Variants in ROBO2 observed in about 807,000 individuals in gnomAD.
ROBO2 encodes the protein roundabout guidance receptor 2.
ROBO2 carries 53 observed loss-of-function variants against 160.8 expected under a neutral mutation model. The observed-to-expected ratio is 0.33, with a 90% CI of 0.26 to 0.41. The LOEUF is 0.41. ROBO2 is among the 10% of genes least tolerant of loss of function. The pLI, the probability that ROBO2 is intolerant of heterozygous loss-of-function variation, is 1.00. For missense variants in ROBO2, 1,577 were observed against 1,722.4 expected (o/e 0.92, Z 1.49); for synonymous variants, 664 against 611.7 (o/e 1.09, Z -1.26).
intron 2 of ROBO2, among the ~76,000 whole-genome samples, chr3:76,657,774 GTA>G (rs953554992): frequency 6.9e-6 from 1 of 144,892 alleles, no homozygotes; most frequent in African/African-American, 2.5e-5. Context: ...ATGTTCATAG[GTA>G]TGTGTATATA....
chr3:77,092,407 A>G (rs961259293), intron 1 of ROBO2, among the ~76,000 whole-genome samples: 7 of 151,786 alleles, frequency 4.6e-5, no homozygotes, highest in Admixed American at 2.6e-4. Flanking sequence ...TGCTTCTCCT[A>G]TCTATTCAAT....
At chr3:76,750,265 C>G (rs528230752) in intron 2 of ROBO2, among the ~76,000 whole-genome samples, 52 of 152,168 alleles carry the variant, frequency 3.4e-4, no homozygotes, top group Middle Eastern at 3.4e-3. Flanking sequence ...GCTAAAAACT[C>G]TCAATAAATT....
At chr3:77,084,011 A>C (rs2149956957) in intron 1 of ROBO2, among the ~76,000 whole-genome samples, 1 of 152,258 alleles carries the variant, frequency 6.6e-6, no homozygotes, top group South Asian at 2.1e-4. Flanking sequence ...ATCTTCATTG[A>C]AGGGAAGAGT....
chr3:76,049,250 C>T (rs973024969), intron 2 of ROBO2, among the ~76,000 whole-genome samples: 1 of 151,462 alleles, frequency 6.6e-6, no homozygotes, highest in African/African-American at 2.4e-5. Flanking sequence ...CTGTGCTGCC[C>T]AGGCTGGAGT....
intron 1 of ROBO2, among the ~76,000 whole-genome samples, chr3:77,064,362 C>CTTTTT (rs71104649): frequency 7.2e-6 from 1 of 138,210 alleles, no homozygotes; most frequent in Non-Finnish European, 1.5e-5. Flanking sequence ...TTGGATGTAT[C>CTTTTT]TTTTTTTTTT....
intron 2 of ROBO2, among the ~76,000 whole-genome samples, chr3:76,299,902 A>G (rs1166625028): frequency 6.6e-6 from 1 of 152,172 alleles, no homozygotes; most frequent in African/African-American, 2.4e-5. Context: ...GTTATGAAAT[A>G]AAAGGGAAAG....
intron 2 of ROBO2, among the ~76,000 whole-genome samples, chr3:76,215,976 A>T (rs886523755): frequency 6.6e-6 from 1 of 152,228 alleles, no homozygotes; most frequent in Non-Finnish European, 1.5e-5. Context: ...CAGAAACTCT[A>T]CAAGCCAGAA....
chr3:76,557,129 C>T (rs749064082), intron 2 of ROBO2, among the ~76,000 whole-genome samples: 2 of 152,006 alleles, frequency 1.3e-5, no homozygotes, highest in African/African-American at 4.8e-5. Context: ...ACATTTGCTT[C>T]CTCTTAAATT....
intron 2 of ROBO2, among the ~76,000 whole-genome samples, chr3:76,164,995 A>G (rs948503806): frequency 7.2e-5 from 11 of 152,194 alleles, no homozygotes; most frequent in African/African-American, 2.4e-4. Flanking sequence ...TCTCCTTAGA[A>G]ACAGTCAAAG....
chr3:77,243,406 G>A (rs903472438), intron 2 of ROBO2, among the ~76,000 whole-genome samples: 5 of 152,100 alleles, frequency 3.3e-5, no homozygotes, highest in African/African-American at 1.2e-4. Context: ...GAAGTCTTAG[G>A]AGCAACTGTT....
At chr3:76,206,642 T>C (rs2107291207) in intron 2 of ROBO2, among the ~76,000 whole-genome samples, 1 of 152,306 alleles carries the variant, frequency 6.6e-6, no homozygotes, top group East Asian at 1.9e-4. Context: ...TCACCACTGC[T>C]TGAGTGCAAG....
At chr3:76,235,897 T>A (rs942108106) in intron 2 of ROBO2, among the ~76,000 whole-genome samples, 1 of 152,010 alleles carries the variant, frequency 6.6e-6, no homozygotes, top group Non-Finnish European at 1.5e-5. Flanking sequence ...ATTTTAAAAA[T>A]TGGAAGAAGA....
chr3:76,668,582 C>T (rs2092144417), intron 2 of ROBO2, among the ~76,000 whole-genome samples: 1 of 152,170 alleles, frequency 6.6e-6, no homozygotes, highest in Non-Finnish European at 1.5e-5. Context: ...GTTGAAGTAA[C>T]TCCTTTATTC....
intron 2 of ROBO2, among the ~76,000 whole-genome samples, chr3:77,110,886 G>C (rs1223512103): frequency 2.0e-5 from 3 of 151,952 alleles, no homozygotes; most frequent in Non-Finnish European, 4.4e-5. Flanking sequence ...TCGAGATGGG[G>C]TTTCACTCTC....
chr3:76,978,355 C>A (rs1334848651), intron 2 of ROBO2, among the ~76,000 whole-genome samples: 3 of 152,050 alleles, frequency 2.0e-5, no homozygotes, highest in African/African-American at 7.2e-5. Context: ...AAATAAAGCA[C>A]TTTTTTCTGT....
intron 2 of ROBO2, among the ~76,000 whole-genome samples, chr3:76,379,137 A>G (rs2076496652): frequency 6.6e-6 from 1 of 152,184 alleles, no homozygotes; most frequent in Non-Finnish European, 1.5e-5. Flanking sequence ...TTAGTAATAC[A>G]TCAAAGAGAT....
At chr3:77,100,680 T>A (rs2071790993) in intron 2 of ROBO2, among the ~76,000 whole-genome samples, 3 of 152,274 alleles carry the variant, frequency 2.0e-5, no homozygotes, top group South Asian at 4.1e-4. Context: ...CACATTCCAA[T>A]GTATTCTCAA....
chr3:77,116,023 A>C (rs2074162687), intron 2 of ROBO2, among the ~76,000 whole-genome samples: 3 of 152,182 alleles, frequency 2.0e-5, no homozygotes, highest in Admixed American at 1.3e-4. Context: ...AGTGTGAATA[A>C]ACAAGTTCAA....
At chr3:77,439,474 A>G (rs142894321) in intron 2 of ROBO2, among the ~76,000 whole-genome samples, 17 of 152,298 alleles carry the variant, frequency 1.1e-4, no homozygotes, top group African/African-American at 3.8e-4. Flanking sequence ...ATTATGATAT[A>G]CAAATTAGTT....
Sources: gnomAD v4.1 joint callset for allele counts (sites outside exome capture counted in the v4.1 genomes callset) on GRCh38, gnomAD v4.1.1 for gene constraint, MANE v1.5 for transcripts, NCBI Gene and HGNC (gene_info 2026-07-23, HGNC 2026-07-21) for gene names.